PHF20: variants seen among roughly 807,000 people sequenced by gnomAD.
PHF20 encodes glioma-expressed antigen 2.
In PHF20, 23 loss-of-function variants were observed where a neutral mutation model predicts 113.5. The observed-to-expected ratio is 0.20, with a 90% CI of 0.15 to 0.29. PHF20 has a LOEUF of 0.29. Among genes scored for constraint, PHF20 ranks in the 10% least tolerant of loss-of-function variants. The probability of loss-of-function intolerance (pLI) is 1.00; values close to 1 mark genes in which losing one functional copy is unlikely to be tolerated. For missense variants in PHF20, 943 were observed against 1,219.6 expected (o/e 0.77, Z 3.38); for synonymous variants, 434 against 457.3 (o/e 0.95, Z 0.65).
chr20:35,855,076 G>A (rs73902923), intron 4 of PHF20, among the ~76,000 whole-genome samples: 2 of 152,248 alleles, frequency 1.3e-5, no homozygotes, highest in Admixed American at 6.5e-5. Flanking sequence ...TAGAGTCTTG[G>A]GTGGTTTGTT....
intron 16 of PHF20, among the ~76,000 whole-genome samples, chr20:35,940,313 A>T (rs149744486): frequency 1.1e-3 from 174 of 152,296 alleles, no homozygotes; most frequent in African/African-American, 4.2e-3. Context: ...CAAAGCAACC[A>T]GGGCTAACAG....
chr20:35,878,717 C>T lies in PHF20; in HGVS notation c.1282+6888C>T, dbSNP rs144694900. The T allele has an allele frequency of 4.2e-4, 321 of 765,526 alleles. 1 individual carries two copies. In the African/African-American group the frequency reaches 4.7e-3, roughly 11 times the overall value. 47.4% of individuals were successfully genotyped at this position (765,526 alleles called of 1,614,324 possible). On this transcript the variant is annotated intron_variant, in intron 9 of 17. Transcript: ENST00000374012. ...TATATCATGTATCGAGAATTCTGGG[C>T]AAAACCTAAGCCTTAGAAGAAGAGA...
chr20:35,785,537 C>T (rs1169046103), intron 1 of PHF20, among the ~76,000 whole-genome samples: 2 of 151,820 alleles, frequency 1.3e-5, no homozygotes. Context: ...CCAGGCTGGT[C>T]TCGAACTCCT....
intron 9 of PHF20, among the ~76,000 whole-genome samples, chr20:35,889,975 C>G (rs900653155): frequency 2.0e-5 from 3 of 152,116 alleles, no homozygotes; most frequent in Admixed American, 6.6e-5. Context: ...GTGATCCACC[C>G]AACTTGGCCT....
chr20:35,899,972 C>T (rs2055064304), intron 10 of PHF20, among the ~76,000 whole-genome samples: 1 of 152,194 alleles, frequency 6.6e-6, no homozygotes, highest in African/African-American at 2.4e-5. Flanking sequence ...GCATGGGTGC[C>T]ATCGTCCCAC....
At chr20:35,916,150 TA>T (rs1199270862) in intron 12 of PHF20, among the ~76,000 whole-genome samples, 1 of 152,046 alleles carries the variant, frequency 6.6e-6, no homozygotes, top group Non-Finnish European at 1.5e-5. Flanking sequence ...GTAAATAAAA[TA>T]AAAATAATAA....
Position 35,947,655 on chromosome 20 carries a change from A to C in PHF20, c.*28A>C. 1.9e-6 allele frequency: 3 copies of C among 1,606,834 alleles called. No individual in the cohort carries two copies. Among genetic ancestry groups the C allele is most frequent in the Non-Finnish European group, 2.6e-6 (3 of 1,174,686 alleles). On this transcript the variant is annotated 3_prime_UTR_variant, in exon 18 of 18. Coordinates refer to ENST00000374012, the MANE Select transcript of PHF20 (RefSeq NM_016436.5). The stretch of plus-strand genomic sequence containing the variant: ...CTGGGCACCCAAAACTCATGGGGGC[A>C]CAATCCTGGGGCACCTGCAGGAGGA...
chr20:35,870,303 C>CAAAAA (rs1174014648), intron 7 of PHF20, among the ~76,000 whole-genome samples: 1 of 53,204 alleles, frequency 1.9e-5, no homozygotes, highest in Non-Finnish European at 4.0e-5. Flanking sequence ...GACTCCGTCT[C>CAAAAA]AAAAAAAAAA....
intron 9 of PHF20, among the ~76,000 whole-genome samples, chr20:35,874,728 T>A (rs2054486601): frequency 6.6e-6 from 1 of 152,302 alleles, no homozygotes; most frequent in African/African-American, 2.4e-5. Flanking sequence ...TACTTTTTAT[T>A]TGGATAACTT....
At chr20:35,804,630 C>T (rs1019300347) in intron 2 of PHF20, among the ~76,000 whole-genome samples, 1 of 152,044 alleles carries the variant, frequency 6.6e-6, no homozygotes, top group African/African-American at 2.4e-5. Context: ...CCTTGGCCTC[C>T]CAAAGTGCTG....
chr20:35,796,026 T>C (rs943413211), intron 1 of PHF20, among the ~76,000 whole-genome samples: 1 of 152,048 alleles, frequency 6.6e-6, no homozygotes, highest in Non-Finnish European at 1.5e-5. Context: ...AATTTTTGTA[T>C]TTTTTAGTGG....
rs552143255 is a variant in PHF20 at position 35,854,932 on chromosome 20, A to G, written c.341-3370A>G. On this transcript the variant is annotated intron_variant, in intron 4 of 17. Transcript: ENST00000374012. ...GTAAGCTTCAAAATTAACTCCAAGTAGCTGAAAATGTTGGACTGTTAGGTA... is the reference window on the plus strand; with the variant it reads ...GTAAGCTTCAAAATTAACTCCAAGTGGCTGAAAATGTTGGACTGTTAGGTA... Among the ~76,000 whole-genome samples, 4 of 152,344 alleles carry G rather than the reference A, an allele frequency of 2.6e-5. No homozygotes were observed. The South Asian group carries it at 8.3e-4, about 32-fold the overall frequency.
chr20:35,915,993 C>T (rs985567231), intron 12 of PHF20, among the ~76,000 whole-genome samples: 8 of 152,026 alleles, frequency 5.3e-5, no homozygotes, highest in South Asian at 4.2e-4. Context: ...AAAAGTTAGC[C>T]GGTTGTTGTG....
intron 6 of PHF20, among the ~76,000 whole-genome samples, chr20:35,865,480 T>G (rs2054299165): frequency 6.6e-6 from 1 of 151,174 alleles, no homozygotes; most frequent in African/African-American, 2.4e-5. Flanking sequence ...AGTATTTAAA[T>G]TAACTTTTTA....
chr20:35,846,865 G>A (rs1055683012), intron 3 of PHF20, among the ~76,000 whole-genome samples: 2 of 152,158 alleles, frequency 1.3e-5, no homozygotes, highest in East Asian at 1.9e-4. Context: ...TCACAATTCT[G>A]CAGGCTGGGA....
At chr20:35,795,566 T>TA (rs993200505) in intron 1 of PHF20, among the ~76,000 whole-genome samples, 6 of 152,214 alleles carry the variant, frequency 3.9e-5, no homozygotes, top group Non-Finnish European at 8.8e-5. Flanking sequence ...GATATTTTAA[T>TA]AGGGGTTTTG....
chr20:35,789,860 C>T (rs1272957053), intron 1 of PHF20, among the ~76,000 whole-genome samples: 1 of 116,428 alleles, frequency 8.6e-6, no homozygotes, highest in South Asian at 3.2e-4. Context: ...CCCCCCCCCC[C>T]CCCTTTTTTT....
At chr20:35,855,252 A>G in intron 4 of PHF20, 1 of 1,336,196 alleles carries the variant, frequency 7.5e-7, no homozygotes, top group Non-Finnish European at 9.9e-7. Flanking sequence ...CAACACCCTG[A>G]CAATATAGGC....
intron 17 of PHF20, among the ~76,000 whole-genome samples, chr20:35,945,690 G>T (rs1004810521): frequency 6.6e-6 from 1 of 152,138 alleles, no homozygotes; most frequent in African/African-American, 2.4e-5. Context: ...CCTGCAGGGG[G>T]TGGTTCTTGT....
Sources: gnomAD v4.1 joint callset for allele counts (sites outside exome capture counted in the v4.1 genomes callset) on GRCh38, gnomAD v4.1.1 for gene constraint, MANE v1.5 for transcripts, NCBI Gene and HGNC (gene_info 2026-07-23, HGNC 2026-07-21) for gene names.